The following CLDN14 variants were observed in gnomAD, a reference collection of about 807,000 sequenced individuals.
CLDN14 encodes claudin-14.
In CLDN14, 2 loss-of-function variants were observed where a neutral mutation model predicts 2.1. The observed-to-expected ratio is 0.96, with a 90% confidence interval of 0.39 to 3.01. The LOEUF (loss-of-function observed/expected upper bound fraction) is 3.01. Among genes scored for constraint, CLDN14 ranks in the 30% most tolerant of loss-of-function variants. CLDN14 has a pLI of 0.09. For synonymous variants in CLDN14, 136 were observed against 154.4 expected (o/e 0.88, Z 0.88); for missense variants, 298 against 328.0 (o/e 0.91, Z 0.71).
intron 2 of CLDN14, among the ~76,000 whole-genome samples, chr21:36,493,622 A>G (rs2776289): frequency 0.75 from 113,594 of 151,934 alleles, 43,383 homozygotes; most frequent in Non-Finnish European, 0.84. Flanking sequence ...GGAGGAGGGA[A>G]GGCGAGGAAG....
intron 1 of CLDN14, among the ~76,000 whole-genome samples, chr21:36,524,875 A>G (rs1200487961): frequency 6.6e-6 from 1 of 152,112 alleles, no homozygotes; most frequent in Non-Finnish European, 1.5e-5. Context: ...ATCTTTTCTC[A>G]GCTCCTTCTA....
At chr21:36,496,397 A>G (rs2087017734) in intron 2 of CLDN14, among the ~76,000 whole-genome samples, 1 of 145,522 alleles carries the variant, frequency 6.9e-6, no homozygotes, top group African/African-American at 2.6e-5. Context: ...TGATCACACC[A>G]CTACACTCCA....
intron 1 of CLDN14, among the ~76,000 whole-genome samples, chr21:36,475,077 A>G (rs219753): frequency 0.44 from 67,211 of 151,988 alleles, 17,331 homozygotes; most frequent in African/African-American, 0.72. Flanking sequence ...GTCAAGTGCT[A>G]GTCAGTGCCG....
intron 1 of CLDN14, among the ~76,000 whole-genome samples, chr21:36,557,617 A>G (rs1028894128): frequency 6.6e-5 from 10 of 152,210 alleles, no homozygotes; most frequent in African/African-American, 2.4e-4. Flanking sequence ...CTTTTGCTCA[A>G]TTCCTAAATT....
chr21:36,509,324 T>G (rs1427552114), intron 2 of CLDN14, among the ~76,000 whole-genome samples: 2 of 152,188 alleles, frequency 1.3e-5, no homozygotes, highest in Admixed American at 1.3e-4. Context: ...CAGGAGTGGC[T>G]CTTTGTGTTG....
chr21:36,555,598 G>A (rs1423197996), intron 1 of CLDN14, among the ~76,000 whole-genome samples: 3 of 152,150 alleles, frequency 2.0e-5, no homozygotes, highest in Admixed American at 2.0e-4. Context: ...ATTTTTCCAG[G>A]CTGCCTTGAA....
chr21:36,566,213 A>C (rs1420357637), intron 1 of CLDN14, among the ~76,000 whole-genome samples: 1 of 152,264 alleles, frequency 6.6e-6, no homozygotes, highest in Non-Finnish European at 1.5e-5. Flanking sequence ...ATAGCATATG[A>C]ATGTAATAAT....
At position 36,493,532 on chromosome 21, in the gene CLDN14, GA is replaced by G. The variant is rs1288177724; in HGVS notation, c.-82+16830del. Among the ~76,000 whole-genome samples, 10 of 152,182 alleles carry G rather than the reference GA, an allele frequency of 6.6e-5. No individual in the cohort carries two copies. The East Asian group carries it at 1.9e-3, about 29-fold the overall frequency. ...TGATCTTTGAGGTTCTTATAATCCAGAAAACTCAGGACACTGCATGCCAGTG... is the reference window on the plus strand; with the variant it reads ...TGATCTTTGAGGTTCTTATAATCCAGAAACTCAGGACACTGCATGCCAGTG... On this transcript the variant is annotated intron_variant, in intron 2 of 2. Coordinates refer to the CLDN14 transcript ENST00000342108.
intron 1 of CLDN14, among the ~76,000 whole-genome samples, chr21:36,473,015 CT>C (rs1441067901): frequency 6.6e-6 from 1 of 152,218 alleles, no homozygotes; most frequent in African/African-American, 2.4e-5. Flanking sequence ...TGTGTTTGAC[CT>C]TTATTTCCAA....
intron 1 of CLDN14, among the ~76,000 whole-genome samples, chr21:36,535,293 G>A (rs1202447734): frequency 6.6e-6 from 1 of 152,190 alleles, no homozygotes; most frequent in Non-Finnish European, 1.5e-5. Flanking sequence ...GGGAGGCTGA[G>A]GCACGAGAAT....
intron 1 of CLDN14, among the ~76,000 whole-genome samples, chr21:36,539,717 TAGTG>T (rs909442142): frequency 5.2e-5 from 7 of 134,674 alleles, no homozygotes; most frequent in South Asian, 2.5e-4. Flanking sequence ...TGTACGGTGT[TAGTG>T]TGTGTGGAGT....
At chr21:36,518,507 G>T (rs11909629) in intron 1 of CLDN14, among the ~76,000 whole-genome samples, 1 of 152,156 alleles carries the variant, frequency 6.6e-6, no homozygotes, top group African/African-American at 2.4e-5. Context: ...GGCTGAGGTG[G>T]GGAGTCCCTT....
chr21:36,513,856 G>A (rs1009336577), intron 1 of CLDN14, among the ~76,000 whole-genome samples: 13 of 149,506 alleles, frequency 8.7e-5, no homozygotes, highest in Admixed American at 4.6e-4. Flanking sequence ...AATTGAAACA[G>A]GGTCTAACTT....
At chr21:36,489,131 A>T (rs796590012) in intron 2 of CLDN14, among the ~76,000 whole-genome samples, 855 of 62,726 alleles carry the variant, frequency 0.014, 13 homozygotes, top group African/African-American at 0.04. Flanking sequence ...AAAAAAAAAA[A>T]ATATATATAT....
chr21:36,525,200 G>A (rs1181855007), intron 1 of CLDN14, among the ~76,000 whole-genome samples: 1 of 152,082 alleles, frequency 6.6e-6, no homozygotes, highest in East Asian at 1.9e-4. Context: ...CGGACACCCT[G>A]ACATCAAGAA....
chr21:36,514,645 G>A lies in CLDN14; in HGVS notation c.-219-4145C>T, dbSNP rs866263251. The stretch of plus-strand genomic sequence containing the variant: ...AAAGTGTGTGTGTGTGTGTGTGTGT[G>A]TGTGTGTGTGTGTGTGTAGAGAGAC... On this transcript the variant is annotated intron_variant, in intron 1 of 2. Transcript: ENST00000342108. Among the ~76,000 whole-genome samples the A allele has an allele frequency of 3.1e-3, 469 of 150,006 alleles. 3 individuals are homozygous for A. Among genetic ancestry groups the A allele is most frequent in the South Asian group, 0.029 (136 of 4,710 alleles).
chr21:36,473,984 G>A lies in CLDN14; in HGVS notation c.-82+5511C>T, dbSNP rs571980786. On this transcript the variant is annotated intron_variant, in intron 1 of 1. Transcript: ENST00000399135. ...GATTAGCAACATGAAGGAAATTGGA[G>A]ACCTTGATAAGCTCAGTTTCGGCGG... 8.5e-5 allele frequency among the ~76,000 whole-genome samples: 13 copies of A among 152,294 alleles called. No individual in the cohort carries two copies. In the South Asian group the frequency reaches 2.3e-3, roughly 27 times the overall value.
intron 2 of CLDN14, chr21:36,486,250 T>A (rs775357406): frequency 1.2e-6 from 1 of 832,158 alleles, no homozygotes; most frequent in Admixed American, 1.8e-5. Context: ...CTTCATGACA[T>A]AAGCAATCCC....
At chr21:36,505,640 C>T (rs989765288) in intron 2 of CLDN14, among the ~76,000 whole-genome samples, 4 of 152,206 alleles carry the variant, frequency 2.6e-5, no homozygotes, top group Admixed American at 1.3e-4. Flanking sequence ...CCCAGCAGTT[C>T]GCCTGCCCAA....
Sources: gnomAD v4.1 joint callset for allele counts (sites outside exome capture counted in the v4.1 genomes callset) on GRCh38, gnomAD v4.1.1 for gene constraint, MANE v1.5 for transcripts, NCBI Gene and HGNC (gene_info 2026-07-23, HGNC 2026-07-21) for gene names.